Variants in SART3 observed in about 807,000 individuals in gnomAD.
SART3 encodes HIV-1 Tat-interacting protein of 110kDa.
A neutral mutation model predicts 122.3 loss-of-function variants in SART3; 44 were observed. That is an observed-to-expected ratio of 0.36 (90% CI 0.28 to 0.46). The LOEUF is 0.46. SART3 is among the 20% of genes least tolerant of loss of function. The pLI, the probability that SART3 is intolerant of heterozygous loss-of-function variation, is 1.00. For missense variants in SART3, 1,101 were observed against 1,229.0 expected, an observed-to-expected ratio of 0.90 and a Z score of 1.56; for synonymous variants, 442 against 454.0, an observed-to-expected ratio of 0.97 and a Z score of 0.34.
In SART3 at chr12:108,557,236, T is replaced by C. The variant is rs34099006; in HGVS notation, c.312+3607A>G. On this transcript the variant is annotated intron_variant, in intron 1 of 18. Transcript: ENST00000546815. ...TTTTTTTTTTTTTTTTTTTTTGAGG[T>C]GGAATCTTGCTCTGTCACCCAGGCT... Among the ~76,000 whole-genome samples, 6 of 118,464 alleles carry C rather than the reference T, an allele frequency of 5.1e-5. No homozygotes were observed. The East Asian group carries it at 1.3e-3, about 27-fold the overall frequency. The allele number at this position is 118,464 out of a possible 152,430, so 77.7% of individuals were successfully genotyped here. A position where few individuals can be genotyped will look rare whatever the true frequency, so the allele number is the denominator to read the frequency against.
intron 18 of SART3, chr12:108,524,037 C>G (rs1872253847): frequency 3.5e-6 from 2 of 563,672 alleles, no homozygotes; most frequent in African/African-American, 3.8e-5. Flanking sequence ...ACAGATCCAA[C>G]TGGCAAAGGG....
rs1872192611 is a variant in SART3 at position 108,522,907 on chromosome 12, C to T, written c.*550G>A. 1 of 158,500 alleles carries T rather than the reference C, an allele frequency of 6.3e-6. No homozygotes were observed. Among genetic ancestry groups the T allele is most frequent in the Non-Finnish European group, 1.4e-5 (1 of 71,562 alleles). 9.8% of individuals were successfully genotyped at this position (158,500 alleles called of 1,614,324 possible). The stretch of plus-strand genomic sequence containing the variant: ...TTAGGAAACATGAAACAATGGCTGA[C>T]ATGTCATTTACAAACACATAATATA... On this transcript the variant is annotated 3_prime_UTR_variant, in exon 19 of 19. Transcript: ENST00000546815.
chr12:108,546,479 G>A (rs980231151), intron 3 of SART3, among the ~76,000 whole-genome samples: 19 of 151,432 alleles, frequency 1.3e-4, no homozygotes, highest in South Asian at 1.0e-3. Context: ...GATTACAGGC[G>A]TGAGCCACTA....
At chr12:108,529,318 C>G (rs1481055511) in intron 15 of SART3, among the ~76,000 whole-genome samples, 1 of 152,182 alleles carries the variant, frequency 6.6e-6, no homozygotes, top group Non-Finnish European at 1.5e-5. Context: ...CACACACACA[C>G]TCCCTACCCT....
intron 6 of SART3, among the ~76,000 whole-genome samples, chr12:108,541,834 G>A (rs372490802): frequency 3.3e-5 from 5 of 151,312 alleles, no homozygotes; most frequent in Admixed American, 6.6e-5. Flanking sequence ...CACCCCGCCC[G>A]GCCCAGACTT....
chr12:108,554,975 A>C (rs937170137), intron 1 of SART3, among the ~76,000 whole-genome samples: 1 of 152,212 alleles, frequency 6.6e-6, no homozygotes, highest in Non-Finnish European at 1.5e-5. Context: ...ACAAAGAGAC[A>C]AATACTGTAT....
chr12:108,542,854 G>A (rs1417186127), intron 6 of SART3, 174 bp downstream of exon 6: 1 of 888,048 alleles, frequency 1.1e-6, no homozygotes, highest in South Asian at 1.4e-5. Context: ...TTCTTAACCT[G>A]GGTGGTAGGT....
Position 108,545,283 on chromosome 12 carries a change from A to T in SART3, c.585T>A (p.Gly195=). 1 of 1,614,176 alleles carries T rather than the reference A, an allele frequency of 6.2e-7. No individual in the cohort carries two copies. Among genetic ancestry groups the T allele is most frequent in the Non-Finnish European group, 8.5e-7 (1 of 1,180,012 alleles). ...IWLEYGQYSV[G]GIGQKGGLEK... is the part of the protein sequence containing the mutation. The stretch of plus-strand genomic sequence containing the variant: ...CAAGGCCACCTTTCTGACCAATCCC[A>T]CCAACTGAGTACTGGCCATACTCTA... Residue 195 remains glycine (G), a synonymous_variant, in exon 4 of 19, where the codon GGT becomes GGA. Transcript: ENST00000546815.
intron 16 of SART3, 106 bp from the exon 17 acceptor site, chr12:108,525,715 G>C: frequency 8.5e-7 from 1 of 1,180,066 alleles, no homozygotes. Context: ...CAGCCAGGCA[G>C]ACTAGAGCCA....
chr12:108,531,977 C>A, intron 13 of SART3: 1 of 486,136 alleles, frequency 2.1e-6, no homozygotes, highest in East Asian at 4.0e-5. Context: ...ACGCACAGTC[C>A]CCCCCACAGA....
Position 108,523,435 on chromosome 12 carries a change from T to C in SART3, c.*22A>G. On this transcript the variant is annotated 3_prime_UTR_variant, in exon 19 of 19. Transcript: ENST00000546815. The stretch of plus-strand genomic sequence containing the variant: ...GCCGGGCCAGAGTGAAGTAAGGCAT[T>C]TCCTGTCTCCCAGCGTCCCGTTCAC... The C allele has an allele frequency of 8.7e-6, 14 of 1,611,766 alleles. No individual in the cohort carries two copies. The highest frequency in any genetic ancestry group is 1.2e-5 in the Non-Finnish European group (14 of 1,179,618).
Position 108,530,332 on chromosome 12 carries a change from G to A in SART3, c.1747-22C>T, listed in dbSNP as rs201418576. 32 of 1,613,286 alleles carry A rather than the reference G, an allele frequency of 2.0e-5. No homozygotes were observed. In the East Asian group the frequency reaches 7.1e-4, roughly 36 times the overall value. ...CAGCCTAGAAAAGTGGGAAGATGAT[G>A]CATCGCTGGATGTGGCAATTACATT... On this transcript the variant is annotated intron_variant, in intron 14 of 18. Coordinates refer to ENST00000546815, the MANE Select transcript of SART3 (RefSeq NM_014706.4).
intron 13 of SART3, chr12:108,531,966 A>G (rs1250599972): frequency 1.5e-5 from 7 of 457,412 alleles, no homozygotes; most frequent in African/African-American, 1.4e-4. Context: ...AACATTGTAT[A>G]ACGCACAGTC....
chr12:108,538,888 A>C (rs745351141), intron 7 of SART3, 46 bp downstream of exon 7: 11 of 1,612,520 alleles, frequency 6.8e-6, no homozygotes, highest in Non-Finnish European at 9.3e-6. Flanking sequence ...TTTTAAGTAG[A>C]TTCTAAATTG....
chr12:108,547,634 TCTCA>T (rs1247715682), intron 3 of SART3, among the ~76,000 whole-genome samples: 2 of 152,226 alleles, frequency 1.3e-5, no homozygotes, highest in African/African-American at 2.4e-5. Context: ...CCATGTAAGT[TCTCA>T]CTGTCAATAA....
At chr12:108,554,647 ATATT>A (rs925459880) in intron 1 of SART3, among the ~76,000 whole-genome samples, 1 of 148,416 alleles carries the variant, frequency 6.7e-6, no homozygotes, top group Non-Finnish European at 1.5e-5. Flanking sequence ...ACATATTTAT[ATATT>A]TATTATATTG....
intron 6 of SART3, 48 bp from the exon 7 acceptor site, chr12:108,539,137 C>A (rs780984749): frequency 6.2e-7 from 1 of 1,607,596 alleles, no homozygotes; most frequent in Admixed American, 1.7e-5. Context: ...GCAGGAAGCA[C>A]AACACATCTG....
intron 14 of SART3, among the ~76,000 whole-genome samples, chr12:108,530,544 CCAAAAGGAAGG>C (rs1393830459): frequency 6.6e-6 from 1 of 152,074 alleles, no homozygotes; most frequent in Non-Finnish European, 1.5e-5. Flanking sequence ...TCATTACTCA[CCAAAAGGAAGG>C]CAAAAAAATC....
intron 7 of SART3, among the ~76,000 whole-genome samples, chr12:108,538,721 C>A (rs1319976983): frequency 1.3e-5 from 2 of 152,154 alleles, no homozygotes; most frequent in Admixed American, 6.5e-5. Context: ...AAGTCCTCAA[C>A]ACAGACAATA....
Sources: allele counts gnomAD v4.1 joint callset (sites outside exome capture counted in the v4.1 genomes callset), GRCh38; gene constraint gnomAD v4.1.1; transcripts MANE v1.5; gene names NCBI Gene and HGNC (gene_info 2026-07-23, HGNC 2026-07-21).